Variants in NELL1 observed in about 807,000 individuals in gnomAD.
NELL1 encodes the protein protein kinase C-binding protein NELL1.
In NELL1, 76 loss-of-function variants were observed where a neutral mutation model predicts 107.4. The observed-to-expected ratio is 0.71, with a 90% CI of 0.59 to 0.86. The LOEUF (loss-of-function observed/expected upper bound fraction) is 0.86. NELL1 is among the 40% of genes least tolerant of loss of function. NELL1 has a pLI of 0.00. For synonymous variants in NELL1, 353 were observed against 341.2 expected (o/e 1.03, Z -0.38); for missense variants, 1,024 against 1,005.5 (o/e 1.02, Z -0.25).
At chr11:20,985,267 A>G (rs1851830048) in intron 12 of NELL1, among the ~76,000 whole-genome samples, 1 of 152,196 alleles carries the variant, frequency 6.6e-6, no homozygotes, top group African/African-American at 2.4e-5. Context: ...GTAGTCAGTG[A>G]AATCATGGCT....
intron 3 of NELL1, among the ~76,000 whole-genome samples, chr11:20,808,306 C>T (rs1451506297): frequency 6.6e-6 from 1 of 152,156 alleles, no homozygotes; most frequent in Non-Finnish European, 1.5e-5. Context: ...GAAATGTCAT[C>T]TGCGAGCTAG....
intron 17 of NELL1, among the ~76,000 whole-genome samples, chr11:21,569,908 G>T (rs551644453): frequency 6.6e-6 from 1 of 151,726 alleles, no homozygotes; most frequent in South Asian, 2.1e-4. Context: ...AAAATATTCA[G>T]CAAATTAGTT....
chr11:21,039,387 T>C (rs978437400), intron 12 of NELL1, among the ~76,000 whole-genome samples: 4 of 152,150 alleles, frequency 2.6e-5, no homozygotes, highest in African/African-American at 9.6e-5. Flanking sequence ...GGTTTCACCA[T>C]GTTGGCTAGG....
At chr11:20,769,812 G>A (rs928216876) in intron 2 of NELL1, among the ~76,000 whole-genome samples, 92 of 152,194 alleles carry the variant, frequency 6.0e-4, no homozygotes, top group African/African-American at 2.0e-3. Flanking sequence ...CATGTCTTGC[G>A]CTCTGAGATC....
chr11:21,229,563 C>T (rs1046538297), intron 14 of NELL1, 109 bp downstream of exon 14: 14 of 1,442,524 alleles, frequency 9.7e-6, no homozygotes, highest in South Asian at 6.2e-5. Context: ...AGCCAGGGTT[C>T]CTGCTCCTGG....
Position 21,456,653 on chromosome 11 carries a change from G to A in NELL1, c.1646-77721G>A, listed in dbSNP as rs533414702. ...ATCTTTCTCAACAAATATTTATTGAGAATCTATTATGCTAGGCTTTAAAGA... is the reference window on the plus strand; with the variant it reads ...ATCTTTCTCAACAAATATTTATTGAAAATCTATTATGCTAGGCTTTAAAGA... On this transcript the variant is annotated intron_variant, in intron 15 of 19. Coordinates refer to ENST00000357134, the MANE Select transcript of NELL1 (RefSeq NM_006157.5). Among the ~76,000 whole-genome samples, 5 of 152,044 alleles carry A rather than the reference G, an allele frequency of 3.3e-5. No homozygotes were observed. The East Asian group carries it at 7.8e-4, about 24-fold the overall frequency.
intron 3 of NELL1, among the ~76,000 whole-genome samples, chr11:20,810,286 T>C (rs1857472302): frequency 6.6e-6 from 1 of 152,194 alleles, no homozygotes; most frequent in Non-Finnish European, 1.5e-5. Context: ...GTAAGTTCTT[T>C]AGTGGTGATT....
intron 14 of NELL1, among the ~76,000 whole-genome samples, chr11:21,261,939 T>G (rs1004256767): frequency 2.0e-5 from 3 of 151,850 alleles, no homozygotes; most frequent in African/African-American, 7.2e-5. Flanking sequence ...TGTGATATTT[T>G]TAAGTTTTCA....
intron 15 of NELL1, among the ~76,000 whole-genome samples, chr11:21,458,693 AG>A (rs1415730302): frequency 6.6e-6 from 1 of 152,160 alleles, no homozygotes; most frequent in African/African-American, 2.4e-5. Context: ...AGAAATTAGT[AG>A]AAGAACATTA....
chr11:21,023,476 C>T (rs7122556), intron 12 of NELL1, among the ~76,000 whole-genome samples: 2 of 151,938 alleles, frequency 1.3e-5, no homozygotes, highest in South Asian at 4.2e-4. Flanking sequence ...ATATGACTTT[C>T]ATTTTAATTT....
intron 2 of NELL1, among the ~76,000 whole-genome samples, chr11:20,736,399 C>T (rs928007484): frequency 1.3e-5 from 2 of 152,104 alleles, no homozygotes; most frequent in African/African-American, 4.8e-5. Context: ...GTGAGGCAAG[C>T]ATAGATGCCT....
At chr11:21,277,812 C>A (rs1319398477) in intron 14 of NELL1, among the ~76,000 whole-genome samples, 1 of 152,164 alleles carries the variant, frequency 6.6e-6, no homozygotes, top group African/African-American at 2.4e-5. Context: ...AAAAACCAAA[C>A]ACTGCGTGTT....
chr11:21,422,097 G>A (rs76034628), intron 15 of NELL1, among the ~76,000 whole-genome samples: 228 of 1,142 alleles, frequency 0.2, no homozygotes, highest in Admixed American at 0.32. Flanking sequence ...TTACACATAT[G>A]TGTGTGTGTG....
intron 12 of NELL1, among the ~76,000 whole-genome samples, chr11:20,991,193 T>A (rs1026474418): frequency 6.6e-6 from 1 of 152,218 alleles, no homozygotes; most frequent in African/African-American, 2.4e-5. Context: ...GGACTGCATT[T>A]CCCTGTCTCA....
At chr11:20,672,734 C>T (rs1432209410) in intron 1 of NELL1, among the ~76,000 whole-genome samples, 1 of 152,194 alleles carries the variant, frequency 6.6e-6, no homozygotes, top group Non-Finnish European at 1.5e-5. Context: ...ATTATTCCCA[C>T]ATTGCTTTCC....
chr11:21,355,378 G>A (rs913127184), intron 14 of NELL1, among the ~76,000 whole-genome samples: 3 of 152,198 alleles, frequency 2.0e-5, no homozygotes. Context: ...CACTCACTAT[G>A]GGTGGGCACT....
chr11:20,959,594 A>G (rs1349042746), intron 11 of NELL1, among the ~76,000 whole-genome samples: 2 of 152,216 alleles, frequency 1.3e-5, no homozygotes. Flanking sequence ...ATATGTTCAC[A>G]TTCATAAGTG....
At chr11:21,356,712 C>T (rs558275493) in intron 14 of NELL1, among the ~76,000 whole-genome samples, 3 of 152,196 alleles carry the variant, frequency 2.0e-5, no homozygotes, top group South Asian at 2.1e-4. Context: ...TACATGGATA[C>T]GATCTTTAGT....
At chr11:21,088,965 G>C (rs1854462035) in intron 12 of NELL1, among the ~76,000 whole-genome samples, 1 of 152,144 alleles carries the variant, frequency 6.6e-6, no homozygotes, top group South Asian at 2.1e-4. Flanking sequence ...TTTTAAGAGA[G>C]GCTAGTCAAT....
Sources: gnomAD v4.1 joint callset for allele counts (sites outside exome capture counted in the v4.1 genomes callset) on GRCh38, gnomAD v4.1.1 for gene constraint, MANE v1.5 for transcripts, NCBI Gene and HGNC (gene_info 2026-07-23, HGNC 2026-07-21) for gene names.